BTBD18: variants seen among roughly 807,000 people sequenced by gnomAD.
BTBD18 encodes the protein BTB domain containing 18, also known as BTB/POZ domain-containing protein 18.
For synonymous variants in BTBD18, 311 were observed against 324.4 expected, an observed-to-expected ratio of 0.96 and a Z score of 0.44; for missense variants, 787 against 846.3, an observed-to-expected ratio of 0.93 and a Z score of 0.87.
chr11:57,745,601 T>G lies in BTBD18; in HGVS notation c.672A>C (p.Pro224=). 1.9e-6 allele frequency: 3 copies of G among 1,551,602 alleles called. No homozygotes were observed. Among genetic ancestry groups the G allele is most frequent in the Non-Finnish European group, 2.6e-6 (3 of 1,146,972 alleles). ...CPTPQEKNSS[P]SSHSQEPREN... ...CTCTAGGCTCTTGACTATGGCTTGA[T>G]GGTGAAGAGTTTTTTTCTTGTGGAG... Residue 224 remains proline (P), a synonymous_variant, in exon 3 of 3, where the codon CCA becomes CCC. Coordinates refer to ENST00000422652, the MANE Select transcript of BTBD18 (RefSeq NM_001145101.3).
At position 57,744,069 on chromosome 11, in the gene BTBD18, G is replaced by T; in HGVS notation, c.*65C>A. 3 of 1,265,984 alleles carry T rather than the reference G, an allele frequency of 2.4e-6. No individual in the cohort carries two copies. Among genetic ancestry groups the T allele is most frequent in the South Asian group, 1.5e-5 (1 of 67,392 alleles). The allele number at this position is 1,265,984 out of a possible 1,614,324, so 78.4% of individuals were successfully genotyped here. On this transcript the variant is annotated 3_prime_UTR_variant, in exon 3 of 3. Coordinates refer to ENST00000422652, the MANE Select transcript of BTBD18 (RefSeq NM_001145101.3). ...AGGGCACGTGCCAGCTTCTCTGCCA[G>T]TAAGCCTTTTGCTAGCTAACATTTC...
intron 2 of BTBD18, among the ~76,000 whole-genome samples, chr11:57,748,149 T>G (rs1007244467): frequency 6.6e-6 from 1 of 152,154 alleles, no homozygotes; most frequent in Non-Finnish European, 1.5e-5. Flanking sequence ...CTTGAACTCC[T>G]TGCCTCAAGT....
chr11:57,748,759 G>A (rs1483348515), intron 2 of BTBD18, among the ~76,000 whole-genome samples: 2 of 152,122 alleles, frequency 1.3e-5, no homozygotes, highest in Non-Finnish European at 2.9e-5. Context: ...AATAATGGCT[G>A]AATGTTGTTT....
chr11:57,747,513 T>C (rs1949218927), intron 2 of BTBD18, among the ~76,000 whole-genome samples: 2 of 152,194 alleles, frequency 1.3e-5, no homozygotes, highest in Admixed American at 6.5e-5. Context: ...TTTTTGTTTT[T>C]GTTTTTGTTT....
upstream of BTBD18, among the ~76,000 whole-genome samples, chr11:57,752,566 G>A (rs1361138658): frequency 6.6e-6 from 1 of 152,184 alleles, no homozygotes; most frequent in Admixed American, 6.5e-5. Flanking sequence ...GAGAGATGTG[G>A]ATGGAGGATG....
chr11:57,746,467 T>C (rs573788067), intron 2 of BTBD18, among the ~76,000 whole-genome samples: 6 of 151,894 alleles, frequency 4.0e-5, no homozygotes, highest in Non-Finnish European at 7.4e-5. Context: ...GTAGCTGGGA[T>C]TACAGGCGCA....
rs1304161639 is a variant in BTBD18 at position 57,743,926 on chromosome 11, A to G, written c.*208T>C. ...AACCGGAAAATAGATTACAAATAAG[A>G]TGGTACAAGTTCATAATTTTCTATC... On this transcript the variant is annotated 3_prime_UTR_variant, in exon 3 of 3. Transcript: ENST00000422652. 3 of 504,778 alleles carry G rather than the reference A, an allele frequency of 5.9e-6. No homozygotes were observed. The allele number at this position is 504,778 out of a possible 1,614,324, so 31.3% of individuals were successfully genotyped here. A position where few individuals can be genotyped will look rare whatever the true frequency, so the allele number is the denominator to read the frequency against.
intron 2 of BTBD18, among the ~76,000 whole-genome samples, chr11:57,747,499 G>A (rs958616339): frequency 2.6e-5 from 4 of 152,046 alleles, no homozygotes; most frequent in African/African-American, 9.7e-5. Flanking sequence ...TTAAGTATCA[G>A]GGTTTTTTGT....
Position 57,745,924 on chromosome 11 carries a change from C to CA in BTBD18, c.348dup (p.Val117CysfsTer3). 6.4e-7 allele frequency: 1 copy of CA among 1,551,612 alleles called. No individual in the cohort carries two copies. Among genetic ancestry groups the CA allele is most frequent in the Non-Finnish European group, 8.7e-7 (1 of 1,146,930 alleles). ...AGCTGAAGGGATTCCAGCTCAGACA[C>CA]ACGGAGCTGACGGGCAGCAGATAGC... On this transcript the variant is annotated frameshift_variant, in exon 3 of 3. Transcript: ENST00000422652. LOFTEE classifies it low-confidence loss of function (END_TRUNC).
rs1949148401 is a variant in BTBD18, at chr11:57,744,330, A to G, written c.1943T>C (p.Leu648Ser). The change falls in exon 3 of 3, where the codon TTA becomes TCA. Residue 648 changes from leucine to serine, a missense_variant. Transcript: ENST00000422652. ...CTTGCCTGCCTTGGGAGAAGGGTAT[A>G]ATAACTCATCTGTAGTCAAGGAGAC... is the stretch of plus-strand genomic sequence containing the variant. ...LEVSLTTDEL[L>S]YPSPKAGKEV... The G allele has an allele frequency of 1.3e-6, 2 of 1,551,516 alleles. No homozygotes were observed. The highest frequency in any genetic ancestry group is 1.7e-6 in the Non-Finnish European group (2 of 1,146,960).
chr11:57,750,481 A>AG (rs1485943215), intron 2 of BTBD18, among the ~76,000 whole-genome samples: 3 of 152,268 alleles, frequency 2.0e-5, no homozygotes, highest in Admixed American at 2.0e-4. Flanking sequence ...GGATCACTTG[A>AG]GGCCAGGAGT....
chr11:57,746,824 A>AG (rs1949204795), intron 2 of BTBD18, among the ~76,000 whole-genome samples: 1 of 150,726 alleles, frequency 6.6e-6, no homozygotes, highest in Non-Finnish European at 1.5e-5. Context: ...AAAAAAAAAA[A>AG]GCCTTCCTCC....
In BTBD18 at chr11:57,751,781, TA is replaced by T. The variant is rs1229500766; in HGVS notation, c.-290del. Reference sequence around the variant, plus strand: ...CAAGTTAACACTTTTAAGGAAACATTACTGGGTATAAAATTATCTCTAGTAA... The same window carrying T: ...CAAGTTAACACTTTTAAGGAAACATTCTGGGTATAAAATTATCTCTAGTAA... On this transcript the variant is annotated 5_prime_UTR_variant, in exon 1 of 3. Transcript: ENST00000422652. 6.6e-6 allele frequency: 1 copy of T among 152,220 alleles called. No individual in the cohort carries two copies. Among genetic ancestry groups the T allele is most frequent in the East Asian group, 1.9e-4 (1 of 5,200 alleles). 9.4% of individuals were successfully genotyped at this position (152,220 alleles called of 1,614,324 possible). A position where few individuals can be genotyped will look rare whatever the true frequency, so the allele number is the denominator to read the frequency against.
chr11:57,745,514 A>G lies in BTBD18; in HGVS notation c.759T>C (p.Ser253=), dbSNP rs1164805370. The change falls in exon 3 of 3, where the codon TCT becomes TCC. Residue 253 remains serine, a synonymous_variant. Transcript: ENST00000422652. Reference sequence around the variant, plus strand: ...TTCTGGGCAACAGGTGTTTGTCCACAGAGGGGTACAAGCTGGGTGGGGAGA... The same window carrying G: ...TTCTGGGCAACAGGTGTTTGTCCACGGAGGGGTACAAGCTGGGTGGGGAGA... ...TVLSPPSLYP[S]VDKHLLPRKI... 19 of 1,549,692 alleles carry G rather than the reference A, an allele frequency of 1.2e-5. No individual in the cohort carries two copies. Among genetic ancestry groups the G allele is most frequent in the East Asian group, 4.9e-5 (2 of 40,916 alleles).
In BTBD18 at chr11:57,751,208, A is replaced by G. The variant is rs1231226556; in HGVS notation, c.-20T>C. 2 of 1,524,558 alleles carry G rather than the reference A, an allele frequency of 1.3e-6. No individual in the cohort carries two copies. The highest frequency in any genetic ancestry group is 2.8e-5 in the African/African-American group (2 of 71,770). 94.4% of individuals were successfully genotyped at this position (1,524,558 alleles called of 1,614,324 possible). A position where few individuals can be genotyped will look rare whatever the true frequency, so the allele number is the denominator to read the frequency against. On this transcript the variant is annotated 5_prime_UTR_variant, in exon 2 of 3. Transcript: ENST00000422652. Reference sequence around the variant, plus strand: ...GCACATGTTGGCAAGAGTCTTAACAAACCTTCTAGGTTTTCACAGATCAGA... The same window carrying G: ...GCACATGTTGGCAAGAGTCTTAACAGACCTTCTAGGTTTTCACAGATCAGA...
intron 2 of BTBD18, among the ~76,000 whole-genome samples, chr11:57,747,621 TCTC>T (rs1224630042): frequency 1.3e-5 from 2 of 152,120 alleles, no homozygotes; most frequent in East Asian, 3.9e-4. Flanking sequence ...TTCAAGTGAT[TCTC>T]CTGCCTCAGC....
intron 2 of BTBD18, among the ~76,000 whole-genome samples, chr11:57,747,256 T>C (rs574493681): frequency 6.6e-6 from 1 of 152,316 alleles, no homozygotes; most frequent in East Asian, 1.9e-4. Context: ...CCCAGATCCA[T>C]ACCTCTGCCT....
At chr11:57,749,756 A>G (rs1031622790) in intron 2 of BTBD18, among the ~76,000 whole-genome samples, 3,651 of 150,156 alleles carry the variant, frequency 0.024, 36 homozygotes, top group Non-Finnish European at 0.041. Context: ...AAAAAAAAAA[A>G]AAAAAAAAAA....
At chr11:57,749,745 CAAAAAAAAAAAAAAAAA>C (rs576323420) in intron 2 of BTBD18, among the ~76,000 whole-genome samples, 1 of 62,944 alleles carries the variant, frequency 1.6e-5, no homozygotes, top group African/African-American at 6.3e-5. Context: ...GCAAGAATCT[CAAAAAAAAAAAAAAAAA>C]AAAAAAAAAA....
Sources: allele counts gnomAD v4.1 joint callset (sites outside exome capture counted in the v4.1 genomes callset), GRCh38; gene constraint gnomAD v4.1.1; transcripts MANE v1.5; gene names NCBI Gene and HGNC (gene_info 2026-07-23, HGNC 2026-07-21).